DCDC2C: variants seen among roughly 807,000 people sequenced by gnomAD.
The protein encoded by DCDC2C is doublecortin domain containing 2C, also known as doublecortin domain-containing protein 2C.
In DCDC2C, 44 loss-of-function variants were observed where a neutral mutation model predicts 45.0. The ratio of observed to expected loss-of-function variants is 0.98; its 90% confidence interval spans 0.77 to 1.26. DCDC2C has a LOEUF of 1.26. Ranked by LOEUF, DCDC2C falls within the 50% of genes most tolerant of loss-of-function variation. The probability of loss-of-function intolerance (pLI) is 0.00; values close to 1 mark genes in which losing one functional copy is unlikely to be tolerated. For synonymous variants in DCDC2C, 187 were observed against 178.8 expected, an observed-to-expected ratio of 1.05 and a Z score of -0.37; for missense variants, 447 against 468.9, an observed-to-expected ratio of 0.95 and a Z score of 0.43.
intron 4 of DCDC2C, among the ~76,000 whole-genome samples, chr2:3,746,521 G>A (rs1165325920): frequency 6.6e-6 from 1 of 152,208 alleles, no homozygotes; most frequent in Non-Finnish European, 1.5e-5. Context: ...GAAGGAAAAG[G>A]TGATGAGCTA....
chr2:3,816,926 G>A (rs114131785), intron 10 of DCDC2C, among the ~76,000 whole-genome samples: 4,995 of 152,264 alleles, frequency 0.033, 280 homozygotes, highest in African/African-American at 0.11. Flanking sequence ...GAAATGAGAC[G>A]TTCTAAAAGG....
chr2:3,789,391 CT>C (rs1670746961), intron 10 of DCDC2C, among the ~76,000 whole-genome samples: 1 of 152,118 alleles, frequency 6.6e-6, no homozygotes, highest in Non-Finnish European at 1.5e-5. Context: ...CATTGCTCAA[CT>C]TTATACTGTA....
chr2:3,718,789 C>T (rs1359995504), intron 2 of DCDC2C, among the ~76,000 whole-genome samples: 4 of 152,158 alleles, frequency 2.6e-5, no homozygotes, highest in Non-Finnish European at 5.9e-5. Flanking sequence ...AAAATGAAGC[C>T]ACGGACCTTT....
intron 9 of DCDC2C, among the ~76,000 whole-genome samples, chr2:3,781,991 A>AC (rs1415335887): frequency 6.6e-6 from 1 of 152,244 alleles, no homozygotes; most frequent in African/African-American, 2.4e-5. Flanking sequence ...TTGCCATTTA[A>AC]CCATTTTCAA....
chr2:3,713,216 G>A (rs1254193223), intron 2 of DCDC2C, among the ~76,000 whole-genome samples: 1 of 152,172 alleles, frequency 6.6e-6, no homozygotes, highest in African/African-American at 2.4e-5. Flanking sequence ...CGTCATCGTA[G>A]GAATTTTTTC....
At chr2:3,756,503 C>A (rs1293682272) in intron 6 of DCDC2C, among the ~76,000 whole-genome samples, 1 of 152,174 alleles carries the variant, frequency 6.6e-6, no homozygotes, top group Non-Finnish European at 1.5e-5. Flanking sequence ...TCACTCCCTG[C>A]AAATAGCTTT....
At chr2:3,786,064 G>A (rs537567818) in intron 10 of DCDC2C, among the ~76,000 whole-genome samples, 8 of 152,344 alleles carry the variant, frequency 5.3e-5, no homozygotes, top group African/African-American at 1.9e-4. Flanking sequence ...TATTCTTATT[G>A]TTAGAAATAG....
chr2:3,842,146 G>A (rs1448381277), intron 10 of DCDC2C, among the ~76,000 whole-genome samples: 1 of 152,096 alleles, frequency 6.6e-6, no homozygotes, highest in Non-Finnish European at 1.5e-5. Context: ...AGTGCTGTCC[G>A]GAATGTGGAG....
intron 10 of DCDC2C, among the ~76,000 whole-genome samples, chr2:3,803,410 G>A (rs899406772): frequency 2.6e-5 from 4 of 152,066 alleles, no homozygotes; most frequent in Non-Finnish European, 4.4e-5. Flanking sequence ...TCCTATCTTC[G>A]TGGGTTCTCC....
At position 3,847,941 on chromosome 2, in the gene DCDC2C, C is replaced by A. The variant is rs1319551129; in HGVS notation, c.*758C>A. On this transcript the variant is annotated 3_prime_UTR_variant, in exon 11 of 11. Coordinates refer to ENST00000399143, the MANE Select transcript of DCDC2C (RefSeq NM_001287444.2). Reference sequence around the variant, plus strand: ...TATGATTGTAAGTTTCCTGAGGCCTCCCAAGCCATGCCTCCTATACAGCCT... The same window carrying A: ...TATGATTGTAAGTTTCCTGAGGCCTACCAAGCCATGCCTCCTATACAGCCT... Among the ~76,000 whole-genome samples, 1 of 152,162 alleles carries A rather than the reference C, an allele frequency of 6.6e-6. No homozygotes were observed. The highest frequency in any genetic ancestry group is 1.5e-5 in the Non-Finnish European group (1 of 68,030).
intron 4 of DCDC2C, among the ~76,000 whole-genome samples, chr2:3,748,542 G>C (rs357974): frequency 0.36 from 55,026 of 151,902 alleles, 11,347 homozygotes; most frequent in South Asian, 0.65. Flanking sequence ...TTTTGGACGC[G>C]TCCAGTTGGT....
At chr2:3,831,138 G>A (rs1422206806) in intron 10 of DCDC2C, among the ~76,000 whole-genome samples, 2 of 151,760 alleles carry the variant, frequency 1.3e-5, no homozygotes, top group Non-Finnish European at 2.9e-5. Context: ...CCTGGCAGCC[G>A]TAAAAACTTG....
chr2:3,742,133 A>G, intron 4 of DCDC2C, 85 bp downstream of exon 4: 1 of 1,399,360 alleles, frequency 7.1e-7, no homozygotes, highest in Non-Finnish European at 9.4e-7. Flanking sequence ...CTGGACCAGC[A>G]AGGTCTAAAA....
intron 10 of DCDC2C, among the ~76,000 whole-genome samples, chr2:3,816,485 G>T (rs1671562167): frequency 6.6e-6 from 1 of 152,196 alleles, no homozygotes. Context: ...AATTCTGGAA[G>T]AAAGAGAAAT....
chr2:3,739,238 G>A (rs1669122597), intron 3 of DCDC2C, among the ~76,000 whole-genome samples: 1 of 152,184 alleles, frequency 6.6e-6, no homozygotes, highest in South Asian at 2.1e-4. Flanking sequence ...GAAGTGCTGG[G>A]AAGAGTGTAG....
rs1667940086 is a variant in DCDC2C at position 3,703,780 on chromosome 2, T to G, written c.29T>G (p.Val10Gly). 1 of 1,236,978 alleles carries G rather than the reference T, an allele frequency of 8.1e-7. No homozygotes were observed. Among genetic ancestry groups the G allele is most frequent in the East Asian group, 3.2e-5 (1 of 31,612 alleles). 76.6% of individuals were successfully genotyped at this position (1,236,978 alleles called of 1,614,324 possible). The change falls in exon 1 of 11, where the codon GTG becomes GGG. Residue 10 changes from valine to glycine, a missense_variant. Transcript: ENST00000399143. The surrounding 1 kb of genome is among the most constrained non-coding windows in gnomAD (Gnocchi z 4.4). ...GGAACCCGCGGGCCCTCCGCGCCGG[T>G]GGACACCACGCCCGCCAAGACCATC... MGTRGPSAP[V>G]DTTPAKTIVV...
intron 10 of DCDC2C, among the ~76,000 whole-genome samples, chr2:3,811,982 C>A (rs1398746939): frequency 6.6e-6 from 1 of 152,136 alleles, no homozygotes; most frequent in Non-Finnish European, 1.5e-5. Context: ...TTTGGCTTGG[C>A]AGTATTTTAT....
intron 3 of DCDC2C, among the ~76,000 whole-genome samples, chr2:3,727,675 C>A (rs1203543784): frequency 6.6e-6 from 1 of 152,246 alleles, no homozygotes; most frequent in African/African-American, 2.4e-5. Flanking sequence ...GCACTGTGTG[C>A]ATCCACCTGC....
intron 9 of DCDC2C, among the ~76,000 whole-genome samples, chr2:3,781,216 C>T (rs913519900): frequency 1.2e-4 from 19 of 152,278 alleles, no homozygotes; most frequent in African/African-American, 4.6e-4. Context: ...ACTCAATTAG[C>T]CCTTCCTGGC....
Sources: gnomAD v4.1 joint callset for allele counts (sites outside exome capture counted in the v4.1 genomes callset) on GRCh38, gnomAD v4.1.1 for gene constraint, Gnocchi (gnomAD v3.1) non-coding constraint, MANE v1.5 for transcripts, NCBI Gene and HGNC (gene_info 2026-07-23, HGNC 2026-07-21) for gene names.